CELSR1: variants seen among roughly 807,000 people sequenced by gnomAD.
CELSR1 encodes the protein adhesion G protein-coupled receptor C1.
A neutral mutation model predicts 249.1 loss-of-function variants in CELSR1; 110 were observed. That is an observed-to-expected ratio of 0.44 (90% CI 0.38 to 0.52). The LOEUF is 0.52. Ranked by LOEUF, CELSR1 falls within the 20% of genes least tolerant of loss-of-function variation. The pLI, the probability that CELSR1 is intolerant of heterozygous loss-of-function variation, is 0.00. For synonymous variants in CELSR1, 2,113 were observed against 1,900.0 expected, an observed-to-expected ratio of 1.11 and a Z score of -2.92; for missense variants, 4,109 against 4,296.4, an observed-to-expected ratio of 0.96 and a Z score of 1.22.
Position 46,402,219 on chromosome 22 carries a change from CTTT to C in CELSR1, c.5227-2320_5227-2318del, listed in dbSNP as rs547364572. ...CATCCCCATTCTAGTTTCTCTTTTT[CTTT>C]TTTTTTTTTTTGAGACAGAGTTTCA... On this transcript the variant is annotated intron_variant, in intron 9 of 34. Transcript: ENST00000674500. The surrounding 1 kb of genome is among the most constrained non-coding windows in gnomAD (Gnocchi z 5.0). Among the ~76,000 whole-genome samples the C allele has an allele frequency of 2.1e-5, 3 of 143,288 alleles. No homozygotes were observed. The highest frequency in any genetic ancestry group is 3.1e-5 in the Non-Finnish European group (2 of 65,050). 94.0% of individuals were successfully genotyped at this position (143,288 alleles called of 152,430 possible). A position where few individuals can be genotyped will look rare whatever the true frequency, so the allele number is the denominator to read the frequency against.
chr22:46,504,372 G>A (rs926413162), intron 1 of CELSR1, among the ~76,000 whole-genome samples: 2 of 151,884 alleles, frequency 1.3e-5, no homozygotes, highest in Non-Finnish European at 2.9e-5. Context: ...AAATTAGCCG[G>A]GTATGGTGGC....
intron 19 of CELSR1, among the ~76,000 whole-genome samples, chr22:46,385,138 A>G (rs1354967849): frequency 6.6e-6 from 1 of 152,014 alleles, no homozygotes; most frequent in African/African-American, 2.4e-5. Context: ...TCTATCACCC[A>G]GGCTGGAGTG....
rs923919461 is a variant in CELSR1, at chr22:46,534,820, G to T, written c.2351C>A (p.Thr784Asn). ...HVLINVTDAN[T>N]HRPVFQSSHY... The stretch of plus-strand genomic sequence containing the variant: ...GGAGCTCTGAAAGACAGGCCTGTGG[G>T]TGTTGGCATCAGTGACGTTGATTAG... Residue 784 changes from threonine to asparagine, a missense_variant, in exon 1 of 35, where the codon ACC becomes AAC. Physicochemically the swap from Thr to Asn is moderately conservative, Grantham distance 65 (BLOSUM62 0). Transcript: ENST00000674500. The surrounding 1 kb of genome is among the most constrained non-coding windows in gnomAD (Gnocchi z 9.7). 3.1e-6 allele frequency: 5 copies of T among 1,613,056 alleles called. No homozygotes were observed. The highest frequency in any genetic ancestry group is 1.1e-5 in the South Asian group (1 of 91,090).
chr22:46,481,798 T>TG (rs1439627326), intron 1 of CELSR1: 3 of 308,844 alleles, frequency 9.7e-6, no homozygotes, highest in Non-Finnish European at 1.9e-5. Context: ...TTTTTTTTTT[T>TG]GAAACAGAGT....
intron 1 of CELSR1, among the ~76,000 whole-genome samples, chr22:46,514,719 G>A (rs2080609100): frequency 6.6e-6 from 1 of 152,150 alleles, no homozygotes; most frequent in South Asian, 2.1e-4. Flanking sequence ...GAGGCTCACG[G>A]CTGGGCTCTG....
chr22:46,402,791 G>A lies in CELSR1; in HGVS notation c.5227-2889C>T, dbSNP rs2079222399. Among the ~76,000 whole-genome samples, 1 of 152,124 alleles carries A rather than the reference G, an allele frequency of 6.6e-6. No individual in the cohort carries two copies. Among genetic ancestry groups the A allele is most frequent in the African/African-American group, 2.4e-5 (1 of 41,416 alleles). ...GTCAAACGGCCATGTTTAAGTACAT[G>A]TAAGAAGAATCAGAAAACAAGGTTG... On this transcript the variant is annotated intron_variant, in intron 9 of 34. Transcript: ENST00000674500. This position sits in a 1 kb window ranked among gnomAD's most constrained non-coding sequence, Gnocchi z 5.0.
intron 1 of CELSR1, 22 bp downstream of exon 1, chr22:46,533,605 T>C (rs1490833806): frequency 6.5e-7 from 1 of 1,532,990 alleles, no homozygotes; most frequent in Admixed American, 1.9e-5. Flanking sequence ...GAGCTACTCC[T>C]CCCACCCCGA....
At chr22:46,372,699 G>GCC (rs1230076210) in intron 25 of CELSR1, among the ~76,000 whole-genome samples, 184 bp downstream of exon 25, 1 of 152,076 alleles carries the variant, frequency 6.6e-6, no homozygotes, top group African/African-American at 2.4e-5. Flanking sequence ...AGAAGACGTC[G>GCC]CCCCAGGTGT....
At position 46,473,795 on chromosome 22, in the gene CELSR1, T is replaced by C. The variant is rs1011390714; in HGVS notation, c.3545-9450A>G. On this transcript the variant is annotated intron_variant, in intron 1 of 34. Transcript: ENST00000674500. The surrounding 1 kb of genome is among the most constrained non-coding windows in gnomAD (Gnocchi z 6.6). ...GCCAGGGAACTTTGAAGTGGCTGTG[T>C]GCGTCTCTCTCTCTTCTGGGTTTGT... Among the ~76,000 whole-genome samples the C allele has an allele frequency of 9.9e-5, 15 of 152,184 alleles. No homozygotes were observed. Among genetic ancestry groups the C allele is most frequent in the African/African-American group, 2.4e-4 (10 of 41,438 alleles).
chr22:46,401,851 C>G lies in CELSR1; in HGVS notation c.5227-1949G>C, dbSNP rs749894329. Among the ~76,000 whole-genome samples, 2 of 152,126 alleles carry G rather than the reference C, an allele frequency of 1.3e-5. No individual in the cohort carries two copies. The highest frequency in any genetic ancestry group is 2.9e-5 in the Non-Finnish European group (2 of 68,016). ...CATTAAACTCTGTGACTTTGGGAGA[C>G]CAAGGCGGGTGGATCACCTGAGGTC... On this transcript the variant is annotated intron_variant, in intron 9 of 34. Coordinates refer to ENST00000674500, the MANE Select transcript of CELSR1 (RefSeq NM_001378328.1). The surrounding 1 kb of genome is among the most constrained non-coding windows in gnomAD (Gnocchi z 4.7).
chr22:46,391,133 C>T lies in CELSR1; in HGVS notation c.6250+53G>A. On this transcript the variant is annotated intron_variant, in intron 16 of 34. Transcript: ENST00000674500. This position sits in a 1 kb window ranked among gnomAD's most constrained non-coding sequence, Gnocchi z 4.3. ...TGAGTCCCCACATCTCGACTGGCTC[C>T]TCCCACAAGGACGCCTGCCTCAGTT... 6.9e-7 allele frequency: 1 copy of T among 1,454,594 alleles called. No individual in the cohort carries two copies. The highest frequency in any genetic ancestry group is 2.3e-5 in the East Asian group (1 of 43,522). 90.1% of individuals were successfully genotyped at this position (1,454,594 alleles called of 1,614,324 possible). A position where few individuals can be genotyped will look rare whatever the true frequency, so the allele number is the denominator to read the frequency against.
intron 25 of CELSR1, among the ~76,000 whole-genome samples, chr22:46,370,446 TCAC>T (rs1302581222): frequency 6.6e-6 from 1 of 151,240 alleles, no homozygotes; most frequent in Non-Finnish European, 1.5e-5. Context: ...CGAAACTGCC[TCAC>T]CACCGAGCCT....
In CELSR1 at chr22:46,394,137, C is replaced by T; in HGVS notation, c.5964+5G>A. ...CATGCAGGGATCATGGGGGCGGGGC[C>T]TCACCTTGCATTGGCACTGGCCGTT... On this transcript the variant is annotated splice_donor_5th_base_variant and intron_variant, in intron 14 of 34. Coordinates refer to ENST00000674500, the MANE Select transcript of CELSR1 (RefSeq NM_001378328.1). The T allele has an allele frequency of 1.9e-6, 3 of 1,613,190 alleles. No individual in the cohort carries two copies. The highest frequency in any genetic ancestry group is 2.2e-5 in the East Asian group (1 of 44,888).
intron 26 of CELSR1, 107 bp downstream of exon 26, chr22:46,369,585 C>G: frequency 1.0e-6 from 1 of 983,150 alleles, no homozygotes; most frequent in Non-Finnish European, 1.5e-6. Flanking sequence ...CCTTCCTGCC[C>G]CCCGTCGGCT....
intron 24 of CELSR1, among the ~76,000 whole-genome samples, chr22:46,375,487 G>A (rs76956761): frequency 0.012 from 1,792 of 150,940 alleles, 16 homozygotes; most frequent in Middle Eastern, 0.038. Context: ...CCAGGCCTGC[G>A]CATTATCAGA....
In CELSR1 at chr22:46,362,070, T is replaced by C. The variant is rs967768571; in HGVS notation, c.*1153A>G. 1.3e-5 allele frequency: 2 copies of C among 152,270 alleles called. No homozygotes were observed. Among genetic ancestry groups the C allele is most frequent in the Non-Finnish European group, 2.9e-5 (2 of 68,048 alleles). 9.4% of individuals were successfully genotyped at this position (152,270 alleles called of 1,614,324 possible). On this transcript the variant is annotated 3_prime_UTR_variant, in exon 35 of 35. Coordinates refer to ENST00000674500, the MANE Select transcript of CELSR1 (RefSeq NM_001378328.1). ...GAACCCTGCCTGGAGATCCTCGCAG[T>C]CTCAGAGAGTTAGAGAATTGGCAGG...
At chr22:46,377,033 A>G (rs1333175895) in intron 24 of CELSR1, 28 bp downstream of exon 24, 1 of 1,608,602 alleles carries the variant, frequency 6.2e-7, no homozygotes, top group South Asian at 1.1e-5. Context: ...CGGCCCAGAC[A>G]GTGGGGAGGG....
At chr22:46,515,614 T>C (rs143272117) in intron 1 of CELSR1, among the ~76,000 whole-genome samples, 4 of 152,098 alleles carry the variant, frequency 2.6e-5, no homozygotes, top group African/African-American at 9.7e-5. Context: ...CGGGCCTCAG[T>C]CACACAGTGC....
chr22:46,421,213 G>T (rs2079468049), intron 5 of CELSR1, among the ~76,000 whole-genome samples: 2 of 151,336 alleles, frequency 1.3e-5, no homozygotes, highest in South Asian at 4.3e-4. Flanking sequence ...TGCTGGGGGG[G>T]TAGAGGCGGG....
Sources: allele counts gnomAD v4.1 joint callset (sites outside exome capture counted in the v4.1 genomes callset), GRCh38; gene constraint gnomAD v4.1.1; non-coding constraint Gnocchi (gnomAD v3.1); transcripts MANE v1.5; gene names NCBI Gene and HGNC (gene_info 2026-07-23, HGNC 2026-07-21).